Variants in C4orf33 observed in about 807,000 individuals in gnomAD.
C4orf33 encodes the protein chromosome 4 open reading frame 33, also known as UPF0462 protein C4orf33.
Under a neutral mutation model 24.3 loss-of-function variants are expected in C4orf33, and 20 were observed. The observed-to-expected ratio is 0.82, with a 90% CI of 0.58 to 1.19. The LOEUF (loss-of-function observed/expected upper bound fraction) is 1.19, where lower values mean the gene tolerates loss of function less well. C4orf33 is among the 50% of genes most tolerant of loss of function. C4orf33 has a pLI of 0.00. For missense variants in C4orf33, 207 were observed against 225.9 expected (o/e 0.92, Z 0.54); for synonymous variants, 67 against 76.4 (o/e 0.88, Z 0.64).
rs1461634795 is a variant in C4orf33, at chr4:129,109,677, G to A, written c.494+5G>A. ...GCAAGGACAAAAACCTGATTTGTAA[G>A]TAGAAAATAAATGAAGATATGTTCC... On this transcript the variant is annotated splice_donor_5th_base_variant and intron_variant, in intron 5 of 5. Coordinates refer to ENST00000425929, the MANE Select transcript of C4orf33 (RefSeq NM_001099783.2). 1 of 1,609,324 alleles carries A rather than the reference G, an allele frequency of 6.2e-7. No individual in the cohort carries two copies. Among genetic ancestry groups the A allele is most frequent in the African/African-American group, 1.3e-5 (1 of 74,884 alleles).
Position 129,115,895 on chromosome 4 carries a change from G to T in C4orf33, c.*4104G>T, listed in dbSNP as rs2125806223. ...AGAGCATAAAATGTGCTGTGTATGT[G>T]TGTAGCATATTTTTTGTTAAATCAC... On this transcript the variant is annotated 3_prime_UTR_variant, in exon 6 of 6. Coordinates refer to ENST00000425929, the MANE Select transcript of C4orf33 (RefSeq NM_001099783.2). 1 of 147,028 alleles carries T rather than the reference G, an allele frequency of 6.8e-6. No homozygotes were observed. The highest frequency in any genetic ancestry group is 2.0e-4 in the East Asian group (1 of 5,078). 9.1% of individuals were successfully genotyped at this position (147,028 alleles called of 1,614,324 possible).
At chr4:129,103,831 C>T (rs751048913) in intron 2 of C4orf33, among the ~76,000 whole-genome samples, 2 of 152,164 alleles carry the variant, frequency 1.3e-5, no homozygotes, top group African/African-American at 2.4e-5. Flanking sequence ...TAATTCATGT[C>T]CCATTTCTTC....
At chr4:129,108,765 A>T (rs1274736381) in intron 3 of C4orf33, among the ~76,000 whole-genome samples, 3 of 152,238 alleles carry the variant, frequency 2.0e-5, no homozygotes. Context: ...AGAATATAAA[A>T]AGCAATCTAA....
At position 129,106,663 on chromosome 4, in the gene C4orf33, T is replaced by G; in HGVS notation, c.242+16T>G. The G allele has an allele frequency of 7.7e-7, 1 of 1,305,884 alleles. No individual in the cohort carries two copies. The highest frequency in any genetic ancestry group is 1.1e-6 in the Non-Finnish European group (1 of 922,776). The allele number at this position is 1,305,884 out of a possible 1,614,324, so 80.9% of individuals were successfully genotyped here. A position where few individuals can be genotyped will look rare whatever the true frequency, so the allele number is the denominator to read the frequency against. On this transcript the variant is annotated intron_variant, in intron 3 of 5. Coordinates refer to ENST00000425929, the MANE Select transcript of C4orf33 (RefSeq NM_001099783.2). ...AACTTTGTCCGTAAGTATAAAATGT[T>G]TTTTCTTACTTATTACTACATAATT... is the stretch of plus-strand genomic sequence containing the variant.
In C4orf33 at chr4:129,115,638, G is replaced by A. The variant is rs1233184756; in HGVS notation, c.*3847G>A. 1 of 151,854 alleles carries A rather than the reference G, an allele frequency of 6.6e-6. No homozygotes were observed. Among genetic ancestry groups the A allele is most frequent in the Non-Finnish European group, 1.5e-5 (1 of 67,980 alleles). The allele number at this position is 151,854 out of a possible 1,614,324, so 9.4% of individuals were successfully genotyped here. Reference sequence around the variant, plus strand: ...TAAAAATGCAATCTTAGATTGGCTTGCTTTATTTAATTTTTCCAAAGTTCC... The same window carrying A: ...TAAAAATGCAATCTTAGATTGGCTTACTTTATTTAATTTTTCCAAAGTTCC... On this transcript the variant is annotated 3_prime_UTR_variant, in exon 6 of 6. Transcript: ENST00000425929.
chr4:129,097,074 A>C (rs940866710), intron 1 of C4orf33, among the ~76,000 whole-genome samples: 3 of 152,062 alleles, frequency 2.0e-5, no homozygotes, highest in Admixed American at 2.0e-4. Context: ...ACGCCCAGCT[A>C]ATTTTTGTAT....
intron 2 of C4orf33, among the ~76,000 whole-genome samples, chr4:129,103,731 A>G (rs1753433403): frequency 6.6e-6 from 1 of 152,190 alleles, no homozygotes; most frequent in Non-Finnish European, 1.5e-5. Flanking sequence ...CAGCACACTT[A>G]TGAATTGGGC....
In C4orf33 at chr4:129,113,849, A is replaced by G. The variant is rs1753735898; in HGVS notation, c.*2058A>G. On this transcript the variant is annotated 3_prime_UTR_variant, in exon 6 of 6. Coordinates refer to ENST00000425929, the MANE Select transcript of C4orf33 (RefSeq NM_001099783.2). ...ATGTTAGGCTTTTGGAGGACAGAAG[A>G]TAATGAGCATAATTAATCTGATATT... The G allele has an allele frequency of 6.6e-6, 1 of 152,196 alleles. No homozygotes were observed. The highest frequency in any genetic ancestry group is 1.5e-5 in the Non-Finnish European group (1 of 68,032). The allele number at this position is 152,196 out of a possible 1,614,324, so 9.4% of individuals were successfully genotyped here. A position where few individuals can be genotyped will look rare whatever the true frequency, so the allele number is the denominator to read the frequency against.
Position 129,115,757 on chromosome 4 carries a change from A to G in C4orf33, c.*3966A>G, listed in dbSNP as rs1753762219. The stretch of plus-strand genomic sequence containing the variant: ...GTAGAAGGGGTATCCAGCCTAAGGC[A>G]CCTAAGTCCAAGAGGAATATGTGCC... On this transcript the variant is annotated 3_prime_UTR_variant, in exon 6 of 6. Transcript: ENST00000425929. The G allele has an allele frequency of 6.7e-6, 1 of 149,478 alleles. No individual in the cohort carries two copies. The highest frequency in any genetic ancestry group is 6.7e-5 in the Admixed American group (1 of 14,902). The allele number at this position is 149,478 out of a possible 1,614,324, so 9.3% of individuals were successfully genotyped here. A position where few individuals can be genotyped will look rare whatever the true frequency, so the allele number is the denominator to read the frequency against.
intron 1 of C4orf33, among the ~76,000 whole-genome samples, chr4:129,098,332 C>T (rs968607182): frequency 7.9e-5 from 12 of 152,138 alleles, no homozygotes; most frequent in African/African-American, 1.9e-4. Context: ...TTCCCTCCCC[C>T]CTCTAGTAGT....
intron 1 of C4orf33, among the ~76,000 whole-genome samples, chr4:129,101,322 T>C (rs1490626310): frequency 2.6e-5 from 4 of 152,166 alleles, no homozygotes; most frequent in Non-Finnish European, 5.9e-5. Context: ...TATTCCAAAT[T>C]TAGTAACTTC....
rs55749910 is a variant in C4orf33, at chr4:129,115,801, AATATATAT to A, written c.*4032_*4039del. 1.0e-4 allele frequency: 9 copies of A among 90,250 alleles called. No homozygotes were observed. Among genetic ancestry groups the A allele is most frequent in the East Asian group, 3.2e-4 (1 of 3,152 alleles). 5.6% of individuals were successfully genotyped at this position (90,250 alleles called of 1,614,324 possible). On this transcript the variant is annotated 3_prime_UTR_variant, in exon 6 of 6. Coordinates refer to ENST00000425929, the MANE Select transcript of C4orf33 (RefSeq NM_001099783.2). ...ATGTGCCTAACAAATCTTCTAACTAAATATATATATATATATATATATATATATAAAAT... is the reference window on the plus strand; with the variant it reads ...ATGTGCCTAACAAATCTTCTAACTAAATATATATATATATATATATAAAAT...
rs1580009113 is a variant in C4orf33 at position 129,102,459 on chromosome 4, G to A, written c.-9-143G>A. On this transcript the variant is annotated intron_variant, in intron 1 of 5. Coordinates refer to ENST00000425929, the MANE Select transcript of C4orf33 (RefSeq NM_001099783.2). ...CTGTGCTTTGGCACAACACAAGATA[G>A]CCTTTTGACTCCCAGGACTGTGCTC... The A allele has an allele frequency of 1.5e-5, 8 of 545,750 alleles. No individual in the cohort carries two copies. In the East Asian group the frequency reaches 2.2e-4, roughly 15 times the overall value. The allele number at this position is 545,750 out of a possible 1,614,324, so 33.8% of individuals were successfully genotyped here.
At chr4:129,110,699 T>TCG in intron 5 of C4orf33, among the ~76,000 whole-genome samples, 1 of 152,106 alleles carries the variant, frequency 6.6e-6, no homozygotes, top group South Asian at 2.1e-4. Context: ...CCTGCCATGC[T>TCG]CTTACTTTAT....
At chr4:129,094,733 G>T (rs1753130683), upstream of C4orf33, among the ~76,000 whole-genome samples, 1 of 152,086 alleles carries the variant, frequency 6.6e-6, no homozygotes, top group African/African-American at 2.4e-5. Context: ...AACTTGTTCT[G>T]ATTTTTAGTA....
intron 5 of C4orf33, chr4:129,110,019 C>T (rs1405020323): frequency 5.6e-6 from 6 of 1,066,830 alleles, no homozygotes; most frequent in African/African-American, 1.7e-5. Context: ...ATCAGTGTTT[C>T]CTGGTGTGAA....
chr4:129,110,021 TG>T, intron 5 of C4orf33: 1 of 1,062,832 alleles, frequency 9.4e-7, no homozygotes, highest in Non-Finnish European at 1.1e-6. Flanking sequence ...CAGTGTTTCC[TG>T]GTGTGAACAA....
At chr4:129,102,815 T>C (rs1480412078) in intron 2 of C4orf33, 24 bp downstream of exon 2, 2 of 1,583,374 alleles carry the variant, frequency 1.3e-6, no homozygotes, top group South Asian at 1.2e-5. Flanking sequence ...CTGTATTTTA[T>C]TGCAAACATA....
intron 1 of C4orf33, among the ~76,000 whole-genome samples, chr4:129,101,434 A>G (rs957790187): frequency 1.3e-5 from 2 of 152,164 alleles, no homozygotes; most frequent in Admixed American, 6.5e-5. Context: ...ATCAGGTACT[A>G]AGTGAGATTA....
Sources: allele counts gnomAD v4.1 joint callset (sites outside exome capture counted in the v4.1 genomes callset), GRCh38; gene constraint gnomAD v4.1.1; transcripts MANE v1.5; gene names NCBI Gene and HGNC (gene_info 2026-07-23, HGNC 2026-07-21).